SNX9: variants seen among roughly 807,000 people sequenced by gnomAD.
SNX9 encodes sorting nexin 9, also known as sorting nexin-9.
In SNX9, 44 loss-of-function variants were observed where a neutral mutation model predicts 89.4. That is an observed-to-expected ratio of 0.49 (90% CI 0.39 to 0.63). The LOEUF (loss-of-function observed/expected upper bound fraction) is 0.63. Ranked by LOEUF, SNX9 falls within the 30% of genes least tolerant of loss-of-function variation. SNX9 has a pLI of 0.00. For synonymous variants in SNX9, 236 were observed against 247.8 expected (o/e 0.95, Z 0.45); for missense variants, 578 against 736.1 (o/e 0.79, Z 2.49).
intron 1 of SNX9, among the ~76,000 whole-genome samples, chr6:157,824,165 G>A (rs1781297318): frequency 6.6e-6 from 1 of 152,196 alleles, no homozygotes; most frequent in Non-Finnish European, 1.5e-5. Context: ...CTCCTGCTTC[G>A]TCATTGGCTA....
rs1470749346 is a variant in SNX9, at chr6:157,928,691, G to A, written c.1277G>A (p.Arg426His). 4 of 1,600,492 alleles carry A rather than the reference G, an allele frequency of 2.5e-6. No individual in the cohort carries two copies. Among genetic ancestry groups the A allele is most frequent in the East Asian group, 2.3e-5 (1 of 44,044 alleles). ...ACGGTGGGGCAGGAGCACTGGAAGCGCTGCACGGGCCGTAAGTCCACTCCT... is the reference window on the plus strand; with the variant it reads ...ACGGTGGGGCAGGAGCACTGGAAGCACTGCACGGGCCGTAAGTCCACTCCT... Reference protein sequence around the residue: ...LLTVGQEHWKRCTGPLPKEYQ... With the variant: ...LLTVGQEHWKHCTGPLPKEYQ... The change falls in exon 12 of 18, where the codon CGC (arginine) becomes CAC (histidine). Residue 426 changes from arginine to histidine, a missense_variant. Around this residue, in one of 2 missense-constraint regions of SNX9, gnomAD observed 348 missense variants for 491.4 expected, o/e 0.71. Coordinates refer to ENST00000392185, the MANE Select transcript of SNX9 (RefSeq NM_016224.5).
intron 4 of SNX9, among the ~76,000 whole-genome samples, chr6:157,893,632 G>GTA (rs1419989506): frequency 6.6e-6 from 1 of 151,474 alleles, no homozygotes; most frequent in Non-Finnish European, 1.5e-5. Context: ...GTGTGTGTGT[G>GTA]TATAAGACTC....
chr6:157,880,563 T>C (rs1782603678), intron 4 of SNX9, among the ~76,000 whole-genome samples: 2 of 152,226 alleles, frequency 1.3e-5, no homozygotes, highest in South Asian at 4.1e-4. Flanking sequence ...TCTTCCTGAC[T>C]TTCCTGTTTC....
At chr6:157,888,963 GAA>G (rs999956952) in intron 4 of SNX9, among the ~76,000 whole-genome samples, 2 of 152,164 alleles carry the variant, frequency 1.3e-5, no homozygotes, top group Non-Finnish European at 2.9e-5. Context: ...AGAGGGAAAA[GAA>G]GAGGAGAATG....
intron 2 of SNX9, among the ~76,000 whole-genome samples, chr6:157,868,119 A>G (rs1389652571): frequency 2.0e-5 from 3 of 152,170 alleles, no homozygotes; most frequent in Non-Finnish European, 2.9e-5. Context: ...CCTAAATCAG[A>G]TTAGGTTGCC....
intron 11 of SNX9, among the ~76,000 whole-genome samples, chr6:157,927,718 CTTTTT>C (rs761592456): frequency 2.0e-5 from 2 of 98,752 alleles, no homozygotes; most frequent in East Asian, 2.9e-4. Context: ...TAATTTTAAG[CTTTTT>C]TTTTTTTTTT....
intron 1 of SNX9, among the ~76,000 whole-genome samples, chr6:157,846,801 C>T (rs2115117860): frequency 6.6e-6 from 1 of 152,276 alleles, no homozygotes; most frequent in East Asian, 1.9e-4. Context: ...AATCCCAGCA[C>T]TTTGGGAGGC....
chr6:157,911,914 G>C (rs921895719), intron 9 of SNX9, among the ~76,000 whole-genome samples: 6 of 152,166 alleles, frequency 3.9e-5, no homozygotes, highest in African/African-American at 1.4e-4. Context: ...GCACTACTGG[G>C]TAGATAAACA....
intron 10 of SNX9, among the ~76,000 whole-genome samples, chr6:157,926,252 CG>C (rs1014404777): frequency 7.7e-4 from 117 of 152,194 alleles, no homozygotes; most frequent in African/African-American, 2.5e-3. Flanking sequence ...AAGGACAATG[CG>C]GGGGCTTTTG....
At chr6:157,856,373 C>T (rs1324585909) in intron 1 of SNX9, among the ~76,000 whole-genome samples, 1 of 152,208 alleles carries the variant, frequency 6.6e-6, no homozygotes, top group East Asian at 1.9e-4. Flanking sequence ...ATCAGTGTCT[C>T]TTGCTCCTGC....
intron 9 of SNX9, among the ~76,000 whole-genome samples, chr6:157,916,734 T>G (rs1342746604): frequency 6.6e-6 from 1 of 152,222 alleles, no homozygotes; most frequent in East Asian, 1.9e-4. Flanking sequence ...ACTGATCAGC[T>G]TTCCATTGCT....
chr6:157,891,315 C>T (rs1045434062), intron 4 of SNX9, among the ~76,000 whole-genome samples: 22 of 152,160 alleles, frequency 1.4e-4, no homozygotes, highest in East Asian at 3.9e-4. Flanking sequence ...AAGTGTGAAC[C>T]GCTGCGCCTG....
intron 2 of SNX9, among the ~76,000 whole-genome samples, chr6:157,871,363 A>C (rs988101744): frequency 6.6e-6 from 1 of 152,206 alleles, no homozygotes; most frequent in African/African-American, 2.4e-5. Context: ...CTTGGGAGAC[A>C]AAATGAGACA....
chr6:157,839,130 C>A (rs1781643293), intron 1 of SNX9, among the ~76,000 whole-genome samples: 1 of 152,146 alleles, frequency 6.6e-6, no homozygotes, highest in South Asian at 2.1e-4. Flanking sequence ...CTTAAAAACG[C>A]TGGACTTCAT....
chr6:157,879,272 T>TC (rs1257547676), intron 4 of SNX9, among the ~76,000 whole-genome samples: 1 of 152,214 alleles, frequency 6.6e-6, no homozygotes, highest in Non-Finnish European at 1.5e-5. Context: ...AGGGGACTGA[T>TC]CAGATGAACT....
intron 17 of SNX9, among the ~76,000 whole-genome samples, chr6:157,941,987 G>A (rs750181450): frequency 7.9e-5 from 12 of 152,200 alleles, no homozygotes; most frequent in Non-Finnish European, 1.5e-4. Flanking sequence ...ATTTGTCTGT[G>A]TGAGAAAATA....
At chr6:157,884,971 T>C (rs770879375) in intron 4 of SNX9, 1 of 152,212 alleles carries the variant, frequency 6.6e-6, no homozygotes, top group Non-Finnish European at 1.5e-5. Flanking sequence ...GGACTTCTCT[T>C]AGGTCTGTCT....
intron 1 of SNX9, among the ~76,000 whole-genome samples, chr6:157,840,354 A>G (rs1781673596): frequency 6.6e-6 from 1 of 152,102 alleles, no homozygotes; most frequent in South Asian, 2.1e-4. Context: ...TTGGCAATAA[A>G]ACCATTGGAG....
Position 157,823,312 on chromosome 6 carries a change from C to A in SNX9, c.-123C>A. ...ACTCGGGGCCGAGGCGGAGGAGCGGCCGCCGCGCCGGGGCCCAGCCGGAGC... is the reference window on the plus strand; with the variant it reads ...ACTCGGGGCCGAGGCGGAGGAGCGGACGCCGCGCCGGGGCCCAGCCGGAGC... On this transcript the variant is annotated 5_prime_UTR_variant, in exon 1 of 18. Coordinates refer to ENST00000392185, the MANE Select transcript of SNX9 (RefSeq NM_016224.5). This position sits in a 1 kb window ranked among gnomAD's most constrained non-coding sequence, Gnocchi z 4.6. 1.2e-6 allele frequency: 1 copy of A among 863,344 alleles called. No homozygotes were observed. The highest frequency in any genetic ancestry group is 1.5e-6 in the Non-Finnish European group (1 of 677,198). 53.5% of individuals were successfully genotyped at this position (863,344 alleles called of 1,614,324 possible).
Sources: gnomAD v4.1 joint callset for allele counts (sites outside exome capture counted in the v4.1 genomes callset) on GRCh38, gnomAD v4.1.1 for gene constraint, gnomAD v4.1.1 regional missense constraint, Gnocchi (gnomAD v3.1) non-coding constraint, MANE v1.5 for transcripts, NCBI Gene and HGNC (gene_info 2026-07-23, HGNC 2026-07-21) for gene names.